Variants in C17orf107 observed in about 807,000 individuals in gnomAD.
C17orf107 encodes uncharacterized protein C17orf107.
C17orf107 carries 9 observed loss-of-function variants against 8.9 expected under a neutral mutation model. The ratio of observed to expected loss-of-function variants is 1.02; its 90% CI spans 0.61 to 1.77. C17orf107 has a LOEUF of 1.77. Among genes scored for constraint, C17orf107 ranks in the 40% most tolerant of loss-of-function variants. The pLI is 0.00. For missense variants in C17orf107, 281 were observed against 249.0 expected, an observed-to-expected ratio of 1.13 and a Z score of -0.86; for synonymous variants, 139 against 120.3, an observed-to-expected ratio of 1.16 and a Z score of -1.02.
downstream of C17orf107, among the ~76,000 whole-genome samples, chr17:4,904,896 C>T (rs527997894): frequency 5.3e-5 from 8 of 152,226 alleles, no homozygotes; most frequent in Non-Finnish European, 1.0e-4. Flanking sequence ...ATCAACCCCA[C>T]GATTTCCATT....
In C17orf107 at chr17:4,900,011, T is replaced by G. The variant is rs1969920319; in HGVS notation, c.142T>G (p.Phe48Val). 2 of 1,551,312 alleles carry G rather than the reference T, an allele frequency of 1.3e-6. No individual in the cohort carries two copies. Among genetic ancestry groups the G allele is most frequent in the Non-Finnish European group, 1.7e-6 (2 of 1,146,978 alleles). Residue 48 changes from phenylalanine to valine, a missense_variant, in exon 2 of 3, where the codon TTC becomes GTC. By Grantham distance (50) the Phe-to-Val change is conservative. Transcript: ENST00000381365. The stretch of plus-strand genomic sequence containing the variant: ...AGCCCATGAATATCTGGAGCAGAGG[T>G]TCAGAGAGCTGAAGTCCCTGGAGCC... ...AAAHEYLEQRFRELKSLEPPE... is the reference protein window; with the variant it reads ...AAAHEYLEQRVRELKSLEPPE...
chr17:4,900,720 C>T lies in C17orf107; in HGVS notation c.*187C>T. On this transcript the variant is annotated 3_prime_UTR_variant, in exon 3 of 3. Transcript: ENST00000381365. ...CGGGGCGAGACAGCCAGAGCTTTTC[C>T]CGGGGTCTCTGGGTTTTGGCCACGC... is the stretch of plus-strand genomic sequence containing the variant. The T allele has an allele frequency of 6.6e-7, 1 of 1,508,886 alleles. No individual in the cohort carries two copies. Among genetic ancestry groups the T allele is most frequent in the East Asian group, 2.4e-5 (1 of 41,122 alleles). 93.5% of individuals were successfully genotyped at this position (1,508,886 alleles called of 1,614,324 possible). A position where few individuals can be genotyped will look rare whatever the true frequency, so the allele number is the denominator to read the frequency against.
At position 4,900,570 on chromosome 17, in the gene C17orf107, G is replaced by A. The variant is rs1431286445; in HGVS notation, c.*37G>A. The A allele has an allele frequency of 9.0e-6, 14 of 1,549,436 alleles. No homozygotes were observed. Among genetic ancestry groups the A allele is most frequent in the Non-Finnish European group, 1.1e-5 (13 of 1,146,422 alleles). On this transcript the variant is annotated 3_prime_UTR_variant, in exon 3 of 3. Coordinates refer to ENST00000381365, the MANE Select transcript of C17orf107 (RefSeq NM_001145536.2). ...GGCGGGGCTAGGGAGGCACTGAGCCGGACTGTCCCCCAAGAGAGCTACTCG... is the reference window on the plus strand; with the variant it reads ...GGCGGGGCTAGGGAGGCACTGAGCCAGACTGTCCCCCAAGAGAGCTACTCG...
At position 4,900,407 on chromosome 17, in the gene C17orf107, G is replaced by A. The variant is rs1431684993; in HGVS notation, c.447G>A (p.Gln149=). The change falls in exon 3 of 3, where the codon CAG becomes CAA. Residue 149 remains glutamine (Q), a synonymous_variant. Coordinates refer to ENST00000381365, the MANE Select transcript of C17orf107 (RefSeq NM_001145536.2). ...GCGCCAGCGCCCGGCTCCTAGTCCA[G>A]GGAGCATGGCTATGCCTGTGTGGAC... ...AVGASARLLV[Q]GAWLCLCGRG... 3 of 1,550,798 alleles carry A rather than the reference G, an allele frequency of 1.9e-6. No homozygotes were observed. The East Asian group carries it at 7.3e-5, about 38-fold the overall frequency.
At position 4,899,584 on chromosome 17, in the gene C17orf107, TGAG is replaced by T; in HGVS notation, c.-175_-173del. On this transcript the variant is annotated 5_prime_UTR_variant, in exon 1 of 3. Coordinates refer to ENST00000381365, the MANE Select transcript of C17orf107 (RefSeq NM_001145536.2). The stretch of plus-strand genomic sequence containing the variant: ...ACCACCATGACGAAAATAAGGAACC[TGAG>T]GAGCCCGGAAGGCATGACATCACCG... 6.4e-7 allele frequency: 1 copy of T among 1,572,880 alleles called. No homozygotes were observed. The highest frequency in any genetic ancestry group is 1.2e-5 in the South Asian group (1 of 85,752).
At position 4,899,736 on chromosome 17, in the gene C17orf107, T is replaced by G. The variant is rs1257440515; in HGVS notation, c.-27T>G. ...GACGACAGACGCGTCCCCCAGCCCT[T>G]CTCCTGTCCTACCACTTGTGGCGGC... On this transcript the variant is annotated 5_prime_UTR_variant, in exon 1 of 3. Coordinates refer to ENST00000381365, the MANE Select transcript of C17orf107 (RefSeq NM_001145536.2). 5 of 1,547,878 alleles carry G rather than the reference T, an allele frequency of 3.2e-6. No homozygotes were observed. The South Asian group carries it at 4.8e-5, about 15-fold the overall frequency.
rs778028755 is a variant in C17orf107 at position 4,900,984 on chromosome 17, G to A, written c.*451G>A. ...GTTTGGGGGTAGGTTCGGGGCCACT[G>A]CTTACCCTGCGCCGGCAGGAAGTAG... On this transcript the variant is annotated 3_prime_UTR_variant, in exon 3 of 3. Transcript: ENST00000381365. The A allele has an allele frequency of 1.9e-6, 3 of 1,613,810 alleles. No individual in the cohort carries two copies. The highest frequency in any genetic ancestry group is 2.5e-6 in the Non-Finnish European group (3 of 1,179,866).
rs777939796 is a variant in C17orf107, at chr17:4,901,039, A to G, written c.*506A>G. 2.0e-5 allele frequency: 32 copies of G among 1,613,946 alleles called. No homozygotes were observed. The highest frequency in any genetic ancestry group is 2.6e-5 in the Non-Finnish European group (31 of 1,179,970). On this transcript the variant is annotated 3_prime_UTR_variant, in exon 3 of 3. Coordinates refer to ENST00000381365, the MANE Select transcript of C17orf107 (RefSeq NM_001145536.2). ...GCAGCACCAGGCCCGAGATGAGCACACAGGGCACGATGATGTTAATGACGT... is the reference window on the plus strand; with the variant it reads ...GCAGCACCAGGCCCGAGATGAGCACGCAGGGCACGATGATGTTAATGACGT...
Position 4,900,597 on chromosome 17 carries a change from G to T in C17orf107, c.*64G>T. On this transcript the variant is annotated 3_prime_UTR_variant, in exon 3 of 3. Transcript: ENST00000381365. ...ACTGTCCCCCAAGAGAGCTACTCGG[G>T]AGACCTCCAGGTGACGTCCAGCAGC... 1 of 1,540,924 alleles carries T rather than the reference G, an allele frequency of 6.5e-7. No homozygotes were observed.
chr17:4,901,498 G>A lies in C17orf107; in HGVS notation c.*965G>A. The A allele has an allele frequency of 6.2e-7, 1 of 1,608,588 alleles. No homozygotes were observed. On this transcript the variant is annotated 3_prime_UTR_variant, in exon 3 of 3. Coordinates refer to ENST00000381365, the MANE Select transcript of C17orf107 (RefSeq NM_001145536.2). ...CTCTCTGGACCCCGTCTAGAAGCGGGTTTTTCTGAGCAGGCAGGGGCTTCA... is the reference window on the plus strand; with the variant it reads ...CTCTCTGGACCCCGTCTAGAAGCGGATTTTTCTGAGCAGGCAGGGGCTTCA...
chr17:4,900,331 G>A lies in C17orf107; in HGVS notation c.371G>A (p.Arg124Gln), dbSNP rs775565502. Residue 124 changes from arginine to glutamine, a missense_variant, in exon 3 of 3, where the codon CGG becomes CAG. Arg to Gln is a conservative substitution (Grantham distance 43). Transcript: ENST00000381365. ...AGGGATCCGGGTGCAGCGCTGAGCC[G>A]GGTAGCCCAAGCCGCAGGGCAGGGG... Reference protein sequence around the residue: ...DGRDPGAALSRVAQAAGQGVR... With the variant: ...DGRDPGAALSQVAQAAGQGVR... 16 of 1,545,902 alleles carry A rather than the reference G, an allele frequency of 1.0e-5. No individual in the cohort carries two copies. The highest frequency in any genetic ancestry group is 3.6e-5 in the South Asian group (3 of 83,960).
chr17:4,901,710 C>T lies in C17orf107; in HGVS notation c.*1177C>T. On this transcript the variant is annotated 3_prime_UTR_variant, in exon 3 of 3. Transcript: ENST00000381365. ...CCCAGCCCTGGAAGCTGGGATCTAG[C>T]GGGGCCGCGATCCCAAGCCCACCCC... 2 of 1,396,982 alleles carry T rather than the reference C, an allele frequency of 1.4e-6. No homozygotes were observed. Among genetic ancestry groups the T allele is most frequent in the South Asian group, 1.2e-5 (1 of 85,768 alleles). 86.5% of individuals were successfully genotyped at this position (1,396,982 alleles called of 1,614,324 possible).
Position 4,900,710 on chromosome 17 carries a change from A to G in C17orf107, c.*177A>G, listed in dbSNP as rs571059090. The stretch of plus-strand genomic sequence containing the variant: ...AAGCCCAGGGCGGGGCGAGACAGCC[A>G]GAGCTTTTCCCGGGGTCTCTGGGTT... On this transcript the variant is annotated 3_prime_UTR_variant, in exon 3 of 3. Coordinates refer to ENST00000381365, the MANE Select transcript of C17orf107 (RefSeq NM_001145536.2). 6.7e-7 allele frequency: 1 copy of G among 1,487,758 alleles called. No homozygotes were observed. Among genetic ancestry groups the G allele is most frequent in the East Asian group, 2.5e-5 (1 of 40,746 alleles). 92.2% of individuals were successfully genotyped at this position (1,487,758 alleles called of 1,614,324 possible).
In C17orf107 at chr17:4,901,035, G is replaced by A. The variant is rs1969966968; in HGVS notation, c.*502G>A. Reference sequence around the variant, plus strand: ...GCGAGCAGCACCAGGCCCGAGATGAGCACACAGGGCACGATGATGTTAATG... The same window carrying A: ...GCGAGCAGCACCAGGCCCGAGATGAACACACAGGGCACGATGATGTTAATG... On this transcript the variant is annotated 3_prime_UTR_variant, in exon 3 of 3. Coordinates refer to ENST00000381365, the MANE Select transcript of C17orf107 (RefSeq NM_001145536.2). 1 of 1,614,072 alleles carries A rather than the reference G, an allele frequency of 6.2e-7. No homozygotes were observed. The highest frequency in any genetic ancestry group is 8.5e-7 in the Non-Finnish European group (1 of 1,179,970).
intron 1 of C17orf107, 24 bp from the exon 2 acceptor site, chr17:4,899,912 T>G (rs1261349570): frequency 1.3e-6 from 2 of 1,549,708 alleles, no homozygotes; most frequent in South Asian, 2.4e-5. Context: ...GCCCTGCTAC[T>G]CTACTGCTCT....
chr17:4,903,894 G>A (rs1047044180), downstream of C17orf107, among the ~76,000 whole-genome samples: 3 of 152,164 alleles, frequency 2.0e-5, no homozygotes, highest in Non-Finnish European at 4.4e-5. Context: ...GTCTCGCTCT[G>A]GCGCCCAGAC....
At chr17:4,904,941 T>G (rs1970072960), downstream of C17orf107, among the ~76,000 whole-genome samples, 1 of 152,248 alleles carries the variant, frequency 6.6e-6, no homozygotes, top group Admixed American at 6.5e-5. Context: ...TGACCCAGCT[T>G]ACCTCTTTGC....
At position 4,901,889 on chromosome 17, in the gene C17orf107, C is replaced by CA; in HGVS notation, c.*1356_*1357insA. 6.2e-7 allele frequency: 1 copy of CA among 1,602,114 alleles called. No individual in the cohort carries two copies. ...GGTTGGCCCCGCCCCATAAGGCCCC[C>CA]CCCCAACAATAATCGTCCGGGCCTC... On this transcript the variant is annotated 3_prime_UTR_variant, in exon 3 of 3. Coordinates refer to ENST00000381365, the MANE Select transcript of C17orf107 (RefSeq NM_001145536.2).
At position 4,901,621 on chromosome 17, in the gene C17orf107, G is replaced by C; in HGVS notation, c.*1088G>C. 1.2e-6 allele frequency: 2 copies of C among 1,613,944 alleles called. No individual in the cohort carries two copies. Among genetic ancestry groups the C allele is most frequent in the Non-Finnish European group, 1.7e-6 (2 of 1,179,936 alleles). On this transcript the variant is annotated 3_prime_UTR_variant, in exon 3 of 3. Transcript: ENST00000381365. ...TCCACCTCTTCGGCATTGTACGTCT[G>C]AGAGCTGCGGAGCCAGGGCCGGGAG...
Sources: gnomAD v4.1 joint callset for allele counts (sites outside exome capture counted in the v4.1 genomes callset) on GRCh38, gnomAD v4.1.1 for gene constraint, MANE v1.5 for transcripts, NCBI Gene and HGNC (gene_info 2026-07-23, HGNC 2026-07-21) for gene names.